HPGDS: variants seen among roughly 807,000 people sequenced by gnomAD.
HPGDS encodes hematopoietic prostaglandin D synthase, also known as GST class-sigma.
In HPGDS, 26 loss-of-function variants were observed where a neutral mutation model predicts 23.1. The observed-to-expected ratio is 1.13, with a 90% CI of 0.83 to 1.56. HPGDS has a LOEUF of 1.56. Ranked by LOEUF, HPGDS falls within the 40% of genes most tolerant of loss-of-function variation. The pLI is 0.00. For missense variants in HPGDS, 268 were observed against 236.4 expected, an observed-to-expected ratio of 1.13 and a Z score of -0.88; for synonymous variants, 95 against 77.9, an observed-to-expected ratio of 1.22 and a Z score of -1.16.
At chr4:94,322,377 G>C (rs796305985) in intron 2 of HPGDS, among the ~76,000 whole-genome samples, 34 of 152,302 alleles carry the variant, frequency 2.2e-4, no homozygotes, top group African/African-American at 7.9e-4. Context: ...ATTCAGCTGT[G>C]AATCCACCTG....
At chr4:94,340,311 C>CTTTCTTTCTTTCTTTCTTTTTCTTTTCTT in intron 1 of HPGDS, among the ~76,000 whole-genome samples, 2 of 23,686 alleles carry the variant, frequency 8.4e-5, no homozygotes, top group Non-Finnish European at 1.7e-4. Flanking sequence ...CTTTCTTTCT[C>CTTTCTTTCTTTCTTTCTTTTTCTTTTCTT]TTTTTTTTTT....
At chr4:94,310,538 C>A (rs556163680) in intron 3 of HPGDS, among the ~76,000 whole-genome samples, 1 of 152,128 alleles carries the variant, frequency 6.6e-6, no homozygotes, top group African/African-American at 2.4e-5. Flanking sequence ...GTTACTGTAG[C>A]CTTGTAGTAT....
intron 5 of HPGDS, among the ~76,000 whole-genome samples, chr4:94,301,475 C>T (rs11097411): frequency 0.4 from 61,337 of 151,966 alleles, 12,997 homozygotes; most frequent in East Asian, 0.72. Flanking sequence ...CTTTTTCCAA[C>T]TGATCGAGAT....
Position 94,302,156 on chromosome 4 carries a change from A to G in HPGDS, c.425T>C (p.Ile142Thr). The G allele has an allele frequency of 1.2e-6, 2 of 1,605,682 alleles. No homozygotes were observed. The highest frequency in any genetic ancestry group is 2.2e-5 in the South Asian group (2 of 90,796). ...DTYLGGREWL[I>T]GNSVTWADFY... ...ATAAAACATACTCACAGAGTTACCAATAAGCCATTCTCTCCCCCCTAAATA... is the reference window on the plus strand; with the variant it reads ...ATAAAACATACTCACAGAGTTACCAGTAAGCCATTCTCTCCCCCCTAAATA... The change falls in exon 5 of 6, where the codon ATT becomes ACT. Residue 142 changes from isoleucine to threonine, a missense_variant. By Grantham distance (89) the Ile-to-Thr change is moderately conservative. Coordinates refer to ENST00000295256, the MANE Select transcript of HPGDS (RefSeq NM_014485.3).
rs772691900 is a variant in HPGDS at position 94,299,475 on chromosome 4, A to T, written c.*5T>A. ...AAAAACAAACTTGAAGGCAACATGG[A>T]TCAGCTAGAGTTTGGTTTGGGGCCT... On this transcript the variant is annotated 3_prime_UTR_variant, in exon 6 of 6. Transcript: ENST00000295256. 6.2e-7 allele frequency: 1 copy of T among 1,604,416 alleles called. No individual in the cohort carries two copies. Among genetic ancestry groups the T allele is most frequent in the South Asian group, 1.1e-5 (1 of 90,184 alleles).
intron 2 of HPGDS, 78 bp downstream of exon 2, chr4:94,334,417 ATT>A: frequency 7.6e-7 from 1 of 1,319,826 alleles, no homozygotes; most frequent in Non-Finnish European, 1.0e-6. Flanking sequence ...GAAAACCTTG[ATT>A]TTTTTTTCAT....
chr4:94,341,573 T>C (rs1320041174), intron 1 of HPGDS, among the ~76,000 whole-genome samples: 1 of 152,246 alleles, frequency 6.6e-6, no homozygotes, highest in Non-Finnish European at 1.5e-5. Context: ...CAATACAAAA[T>C]GTTAGCCAAC....
chr4:94,324,467 T>G (rs1332367857), intron 2 of HPGDS, among the ~76,000 whole-genome samples: 1 of 152,190 alleles, frequency 6.6e-6, no homozygotes, highest in African/African-American at 2.4e-5. Context: ...CTTTTTACTC[T>G]TTTCTCTCTA....
chr4:94,332,566 C>A (rs946387400), intron 2 of HPGDS, among the ~76,000 whole-genome samples: 2 of 152,234 alleles, frequency 1.3e-5, no homozygotes, highest in African/African-American at 4.8e-5. Context: ...AGAGCTTGCT[C>A]CTGCCAGCGC....
chr4:94,299,714 A>T (rs1755997853), intron 5 of HPGDS, 70 bp from the exon 6 acceptor site: 8 of 1,364,696 alleles, frequency 5.9e-6, no homozygotes, highest in Non-Finnish European at 8.1e-6. Context: ...CCAAAATTGA[A>T]ATTAGTTTCT....
At chr4:94,312,781 G>A (rs369120724) in intron 3 of HPGDS, among the ~76,000 whole-genome samples, 8 of 152,272 alleles carry the variant, frequency 5.3e-5, no homozygotes, top group African/African-American at 1.7e-4. Flanking sequence ...CAGTCTCTTT[G>A]TAGGTCTCTA....
intron 2 of HPGDS, among the ~76,000 whole-genome samples, chr4:94,327,681 G>A (rs186427279): frequency 8.3e-4 from 126 of 152,260 alleles, no homozygotes; most frequent in African/African-American, 2.6e-3. Context: ...TGGAGAGTGC[G>A]TGCTTTAGCT....
intron 2 of HPGDS, among the ~76,000 whole-genome samples, chr4:94,323,629 C>T (rs536481255): frequency 6.6e-6 from 1 of 152,100 alleles, no homozygotes; most frequent in African/African-American, 2.4e-5. Flanking sequence ...GATCTTCCTC[C>T]ATCCCTTTAT....
chr4:94,313,408 G>T (rs1408468881), intron 3 of HPGDS, among the ~76,000 whole-genome samples: 1 of 151,496 alleles, frequency 6.6e-6, no homozygotes, highest in African/African-American at 2.4e-5. Flanking sequence ...GCTTAGTTTG[G>T]CTGGATATGA....
At position 94,313,633 on chromosome 4, in the gene HPGDS, G is replaced by A. The variant is rs533209052; in HGVS notation, c.226+4240C>T. 5.9e-5 allele frequency among the ~76,000 whole-genome samples: 9 copies of A among 151,406 alleles called. 1 individual carries two copies. Among genetic ancestry groups the A allele is most frequent in the East Asian group, 5.8e-4 (3 of 5,164 alleles). The stretch of plus-strand genomic sequence containing the variant: ...TATGTGTCTTGGAGTTGCTCTTCTC[G>A]AGGAGTATCTTTGTGGCGTTCTCTG... On this transcript the variant is annotated intron_variant, in intron 3 of 5. Transcript: ENST00000295256.
At chr4:94,300,683 T>G (rs1388397128) in intron 5 of HPGDS, among the ~76,000 whole-genome samples, 2 of 152,134 alleles carry the variant, frequency 1.3e-5, no homozygotes, top group East Asian at 3.9e-4. Context: ...GTAGCTTTTA[T>G]TTTAGAAGGG....
intron 4 of HPGDS, among the ~76,000 whole-genome samples, chr4:94,303,575 G>A (rs1468357874): frequency 1.3e-5 from 2 of 152,080 alleles, no homozygotes; most frequent in Admixed American, 6.6e-5. Context: ...TGGTCAGTAT[G>A]TTCATAGTTT....
chr4:94,319,189 T>C (rs948698234), intron 2 of HPGDS, among the ~76,000 whole-genome samples: 1 of 152,222 alleles, frequency 6.6e-6, no homozygotes, highest in Non-Finnish European at 1.5e-5. Context: ...GTTCTAACAA[T>C]ATTTGCTTCA....
intron 2 of HPGDS, among the ~76,000 whole-genome samples, chr4:94,324,894 T>G (rs1253171743): frequency 1.3e-5 from 2 of 152,212 alleles, no homozygotes; most frequent in Non-Finnish European, 2.9e-5. Flanking sequence ...ATCTTTGTTG[T>G]TTTATCTACC....
Sources: allele counts gnomAD v4.1 joint callset (sites outside exome capture counted in the v4.1 genomes callset), GRCh38; gene constraint gnomAD v4.1.1; transcripts MANE v1.5; gene names NCBI Gene and HGNC (gene_info 2026-07-23, HGNC 2026-07-21).